Variants in GABPB1 observed in about 807,000 individuals in gnomAD.
GABPB1 encodes the protein GA binding protein transcription factor subunit beta 1.
GABPB1 carries 15 observed loss-of-function variants against 45.9 expected under a neutral mutation model. The ratio of observed to expected loss-of-function variants is 0.33; its 90% CI spans 0.22 to 0.50. The LOEUF (loss-of-function observed/expected upper bound fraction) is 0.50, where lower values mean the gene tolerates loss of function less well. Ranked by LOEUF, GABPB1 falls within the 20% of genes least tolerant of loss-of-function variation. The pLI, the probability that GABPB1 is intolerant of heterozygous loss-of-function variation, is 0.98. For missense variants in GABPB1, 252 were observed against 457.5 expected (o/e 0.55, Z 4.10); for synonymous variants, 143 against 154.4 (o/e 0.93, Z 0.55).
intron 8 of GABPB1, among the ~76,000 whole-genome samples, chr15:50,282,567 A>AAAAAAAAAAAAAAAAAAAAAAAAAAAAG (rs2046018459): frequency 6.6e-6 from 1 of 150,876 alleles, no homozygotes; most frequent in Admixed American, 6.6e-5. Flanking sequence ...AAAGAAAAAA[A>AAAAAAAAAAAAAAAAAAAAAAAAAAAAG]AAAAAAAACA....
intron 6 of GABPB1, among the ~76,000 whole-genome samples, chr15:50,290,532 A>G (rs1484612440): frequency 6.6e-6 from 1 of 151,988 alleles, no homozygotes; most frequent in Admixed American, 6.6e-5. Context: ...CAGAGGTTGC[A>G]ATGAGAAGAG....
intron 1 of GABPB1, among the ~76,000 whole-genome samples, chr15:50,314,122 TAA>T (rs1216593624): frequency 6.6e-6 from 1 of 152,218 alleles, no homozygotes; most frequent in Non-Finnish European, 1.5e-5. Flanking sequence ...CTAATATACT[TAA>T]GTTACTCTGG....
At chr15:50,322,284 T>A (rs2047598833) in intron 1 of GABPB1, among the ~76,000 whole-genome samples, 1 of 151,972 alleles carries the variant, frequency 6.6e-6, no homozygotes, top group Non-Finnish European at 1.5e-5. Context: ...CTGGGCACAG[T>A]GACTCATACC....
At chr15:50,325,974 C>A (rs1326474787) in intron 1 of GABPB1, among the ~76,000 whole-genome samples, 1 of 151,316 alleles carries the variant, frequency 6.6e-6, no homozygotes, top group Non-Finnish European at 1.5e-5. Context: ...ATGGCACGAT[C>A]TCAGCTCACT....
chr15:50,299,600 T>C (rs1489923124), intron 6 of GABPB1, among the ~76,000 whole-genome samples: 4 of 152,068 alleles, frequency 2.6e-5, no homozygotes, highest in Non-Finnish European at 5.9e-5. Flanking sequence ...GATTTCTCCA[T>C]ATTGGTCAGG....
At position 50,303,013 on chromosome 15, in the gene GABPB1, A is replaced by C. The variant is rs533592195; in HGVS notation, c.387T>G (p.Asp129Glu). The C allele has an allele frequency of 6.2e-7, 1 of 1,613,942 alleles. No homozygotes were observed. The highest frequency in any genetic ancestry group is 1.3e-5 in the African/African-American group (1 of 75,066). The change falls in exon 4 of 9, where the codon GAT becomes GAG. Residue 129 changes from aspartate to glutamate, a missense_variant. This residue lies in a region of GABPB1 where 193 missense variants were observed against 259.9 expected (regional missense o/e 0.74). Coordinates refer to ENST00000380877, the MANE Select transcript of GABPB1 (RefSeq NM_016654.5). ...TACAAAATTTACTTTGCGTGTGTACATCAGCACCATATTTGATTAAAAGTT... is the reference window on the plus strand; with the variant it reads ...TACAAAATTTACTTTGCGTGTGTACCTCAGCACCATATTTGATTAAAAGTT... ...VVELLIKYGA[D>E]VHTQSKFCKT...
At position 50,309,579 on chromosome 15, in the gene GABPB1, C is replaced by A. The variant is rs187416897; in HGVS notation, c.108+112G>T. 1.2e-3 allele frequency: 799 copies of A among 650,344 alleles called. 6 individuals are homozygous for A. In the Middle Eastern group the frequency reaches 0.028, roughly 23 times the overall value. The allele number at this position is 650,344 out of a possible 1,614,324, so 40.3% of individuals were successfully genotyped here. On this transcript the variant is annotated intron_variant, in intron 2 of 8. Coordinates refer to ENST00000380877, the MANE Select transcript of GABPB1 (RefSeq NM_016654.5). ...AATTCTAAAATAATAAACACATTTG[C>A]AAAAATAATAACTTTTTACCACTTA...
intron 6 of GABPB1, among the ~76,000 whole-genome samples, chr15:50,292,844 A>ATGTGTGTG (rs1234111426): frequency 1.3e-4 from 11 of 83,396 alleles, no homozygotes; most frequent in Non-Finnish European, 2.3e-4. Context: ...AAAAGTGTGT[A>ATGTGTGTG]TATGTGTGTG....
At chr15:50,325,352 C>T (rs573268217) in intron 1 of GABPB1, among the ~76,000 whole-genome samples, 2 of 151,404 alleles carry the variant, frequency 1.3e-5, no homozygotes, top group South Asian at 4.2e-4. Flanking sequence ...AGTTGAGACC[C>T]CACCTCTGCC....
chr15:50,354,958 C>T (rs2049041580), intron 1 of GABPB1, 27 bp downstream of exon 1: 1 of 213,066 alleles, frequency 4.7e-6, no homozygotes, highest in Non-Finnish European at 9.4e-6. Flanking sequence ...CCGGTGGTAA[C>T]AGGGCCCTAC....
At chr15:50,348,065 A>G (rs1277292397) in intron 1 of GABPB1, among the ~76,000 whole-genome samples, 1 of 140,708 alleles carries the variant, frequency 7.1e-6, no homozygotes, top group African/African-American at 2.5e-5. Flanking sequence ...AAGAATCACT[A>G]CTATAGTAAA....
At chr15:50,343,379 A>G (rs1251668547) in intron 1 of GABPB1, among the ~76,000 whole-genome samples, 1 of 152,170 alleles carries the variant, frequency 6.6e-6, no homozygotes, top group African/African-American at 2.4e-5. Flanking sequence ...TTCTTTGAAC[A>G]AGGCAAATGT....
chr15:50,285,729 A>T (rs2140975678), intron 8 of GABPB1, among the ~76,000 whole-genome samples: 1 of 152,244 alleles, frequency 6.6e-6, no homozygotes, highest in Admixed American at 6.5e-5. Context: ...CAAAAAAAAA[A>T]TTTTAGCCAA....
intron 1 of GABPB1, among the ~76,000 whole-genome samples, chr15:50,335,895 CAAAAAAAAAA>C (rs775073809): frequency 1.3e-5 from 1 of 79,344 alleles, no homozygotes; most frequent in Non-Finnish European, 2.4e-5. Flanking sequence ...GACTCCGACT[CAAAAAAAAAA>C]AAAAAAAAAA....
At chr15:50,331,507 G>A (rs1046564301) in intron 1 of GABPB1, among the ~76,000 whole-genome samples, 3 of 152,198 alleles carry the variant, frequency 2.0e-5, no homozygotes, top group African/African-American at 7.2e-5. Flanking sequence ...AAGTATAACA[G>A]GAAATGCAAT....
intron 1 of GABPB1, among the ~76,000 whole-genome samples, chr15:50,337,237 TAAA>T (rs2048180521): frequency 1.3e-5 from 2 of 150,748 alleles, no homozygotes; most frequent in Admixed American, 1.3e-4. Context: ...GGACAGTGGC[TAAA>T]GAGGTAAGCA....
At chr15:50,351,578 T>C (rs184139539) in intron 1 of GABPB1, 1 of 144,868 alleles carries the variant, frequency 6.9e-6, no homozygotes, top group Non-Finnish European at 1.5e-5. Context: ...CAAGACCCTG[T>C]CAAAGAAAGA....
At chr15:50,282,202 A>AAAAT (rs1246469100) in intron 8 of GABPB1, 1 of 434,718 alleles carries the variant, frequency 2.3e-6, no homozygotes. Context: ...CCTGTCTCAA[A>AAAAT]AAATAAATAA....
At chr15:50,286,612 GAT>G (rs902477623) in intron 7 of GABPB1, among the ~76,000 whole-genome samples, 3 of 151,972 alleles carry the variant, frequency 2.0e-5, no homozygotes, top group Admixed American at 1.3e-4. Flanking sequence ...CTATACAATA[GAT>G]ATATTGTTCT....
Sources: gnomAD v4.1 joint callset for allele counts (sites outside exome capture counted in the v4.1 genomes callset) on GRCh38, gnomAD v4.1.1 for gene constraint, gnomAD v4.1.1 regional missense constraint, MANE v1.5 for transcripts, NCBI Gene and HGNC (gene_info 2026-07-23, HGNC 2026-07-21) for gene names.